Variants in PFKM observed in about 807,000 individuals in gnomAD.
The protein encoded by PFKM is ATP-dependent 6-phosphofructokinase, muscle type.
Under a neutral mutation model 95.5 loss-of-function variants are expected in PFKM, and 58 were observed. That is an observed-to-expected ratio of 0.61 (90% CI 0.49 to 0.76). The LOEUF is 0.76. PFKM is among the 30% of genes least tolerant of loss of function. The pLI is 0.00. For missense variants in PFKM, 678 were observed against 1,005.4 expected (o/e 0.67, Z 4.40); for synonymous variants, 336 against 357.2 (o/e 0.94, Z 0.67).
chr12:48,116,977 G>A (rs551322080), upstream of PFKM, among the ~76,000 whole-genome samples: 65 of 152,188 alleles, frequency 4.3e-4, no homozygotes, highest in African/African-American at 1.4e-3. Flanking sequence ...GCATCATACC[G>A]AATCATTTTA....
At chr12:48,135,834 G>A (rs541962502) in intron 10 of PFKM, among the ~76,000 whole-genome samples, 1 of 152,182 alleles carries the variant, frequency 6.6e-6, no homozygotes, top group East Asian at 1.9e-4. Flanking sequence ...GATATCTCAT[G>A]TTGTCCTTTT....
chr12:48,118,549 G>A (rs1187234902), upstream of PFKM: 6 of 1,517,944 alleles, frequency 4.0e-6, no homozygotes, highest in African/African-American at 1.4e-5. Context: ...GAGGAGACCC[G>A]ACTGTGGAGA....
chr12:48,133,514 G>A (rs370222787), intron 6 of PFKM, 34 bp downstream of exon 6: 180 of 1,596,314 alleles, frequency 1.1e-4, no homozygotes, highest in Middle Eastern at 5.0e-4. Context: ...AGTGTAAGAA[G>A]ATGGCAGCTA....
intron 6 of PFKM, among the ~76,000 whole-genome samples, chr12:48,133,836 C>T (rs1003649415): frequency 5.9e-5 from 9 of 152,070 alleles, no homozygotes; most frequent in Admixed American, 4.6e-4. Flanking sequence ...CTGCTATGAC[C>T]ACGACAGCTC....
chr12:48,108,505 C>A (rs1156927039), intron 3 of PFKM, among the ~76,000 whole-genome samples: 2 of 152,118 alleles, frequency 1.3e-5, no homozygotes, highest in Non-Finnish European at 2.9e-5. Flanking sequence ...TAACTGTAAA[C>A]TACTAATCTG....
Position 48,134,956 on chromosome 12 carries a change from G to C in PFKM, c.761G>C (p.Gly254Ala). Reference protein sequence around the residue: ...CRRLSETRTRGSRLNIIIVAE... With the variant: ...CRRLSETRTRASRLNIIIVAE... ...GTTCTCAACCAGACAAGGACCCGTG[G>C]TTCTCGTCTCAACATCATCATTGTG... Residue 254 changes from glycine (G) to alanine (A), a missense_variant, in exon 9 of 23, where the codon GGT (glycine) becomes GCT (alanine). Physicochemically the swap from Gly to Ala is moderately conservative, Grantham distance 60 (BLOSUM62 0). Coordinates refer to ENST00000359794, the MANE Select transcript of PFKM (RefSeq NM_000289.6). 1 of 1,614,010 alleles carries C rather than the reference G, an allele frequency of 6.2e-7. No individual in the cohort carries two copies. The highest frequency in any genetic ancestry group is 8.5e-7 in the Non-Finnish European group (1 of 1,179,926).
At chr12:48,118,631 T>A (rs1947884322), upstream of PFKM, 1 of 954,718 alleles carries the variant, frequency 1.0e-6, no homozygotes, top group South Asian at 1.4e-5. Flanking sequence ...TGACCCTTTT[T>A]CCAGAGTGGA....
chr12:48,137,879 C>T (rs752549447), intron 11 of PFKM, 33 bp downstream of exon 11: 6 of 1,612,928 alleles, frequency 3.7e-6, no homozygotes, highest in South Asian at 3.3e-5. Flanking sequence ...TTTCTTAACA[C>T]TCTCAAGCCC....
chr12:48,135,260 CCT>C, intron 9 of PFKM, 29 bp from the exon 10 acceptor site: 1 of 1,559,984 alleles, frequency 6.4e-7, no homozygotes, highest in South Asian at 1.1e-5. Flanking sequence ...TCTGCGTAAC[CCT>C]CTCTCTGTCC....
At chr12:48,131,847 A>T (rs1244890439) in intron 4 of PFKM, 1 of 361,752 alleles carries the variant, frequency 2.8e-6, no homozygotes, top group Non-Finnish European at 5.4e-6. Flanking sequence ...TCTCAAAAAA[A>T]TCCTAAGAGT....
intron 4 of PFKM, chr12:48,131,735 C>T (rs1949514700): frequency 2.6e-6 from 1 of 379,026 alleles, no homozygotes; most frequent in Non-Finnish European, 5.1e-6. Context: ...GGAGCCAGAG[C>T]CAGAAGTGGA....
intron 17 of PFKM, chr12:48,142,474 C>T (rs1950658680): frequency 2.2e-6 from 1 of 449,772 alleles, no homozygotes; most frequent in African/African-American, 2.0e-5. Flanking sequence ...AGTTTCCTCA[C>T]CTAGAAATGC....
rs991414336 is a variant in PFKM, at chr12:48,140,762, C to T, written c.1232C>T (p.Pro411Leu). 4 of 1,614,036 alleles carry T rather than the reference C, an allele frequency of 2.5e-6. No individual in the cohort carries two copies. The highest frequency in any genetic ancestry group is 3.4e-6 in the Non-Finnish European group (4 of 1,180,032). ...HTVAVMNVGA[P>L]AAGMNAAVRS... The stretch of plus-strand genomic sequence containing the variant: ...GTGGCTGTGATGAACGTGGGGGCTC[C>T]GGCTGCAGGCATGAATGCTGCTGTT... The change falls in exon 14 of 23, where the codon CCG (proline) becomes CTG (leucine). Residue 411 changes from proline (P) to leucine (L), a missense_variant. Pro to Leu is a moderately conservative substitution (Grantham distance 98). Coordinates refer to ENST00000359794, the MANE Select transcript of PFKM (RefSeq NM_000289.6).
intron 19 of PFKM, 29 bp from the exon 20 acceptor site, chr12:48,144,017 G>A (rs751863019): frequency 6.7e-7 from 1 of 1,494,276 alleles, no homozygotes; most frequent in Non-Finnish European, 9.3e-7. Context: ...CAACCACAGA[G>A]TCACAGGCTT....
rs1183340554 is a variant in PFKM, at chr12:48,134,255, A to G, written c.617A>G (p.Glu206Gly). 1 of 1,613,822 alleles carries G rather than the reference A, an allele frequency of 6.2e-7. No individual in the cohort carries two copies. Among genetic ancestry groups the G allele is most frequent in the Non-Finnish European group, 8.5e-7 (1 of 1,179,828 alleles). ...AQSHQRTFVL[E>G]VMGRHCGYLA... ...AGCCACCAGAGGACATTTGTGTTAG[A>G]AGTAATGGGCCGCCACTGTGGGTAA... Residue 206 changes from glutamate (E) to glycine (G), a missense_variant, in exon 7 of 23, where the codon GAA becomes GGA. Transcript: ENST00000359794.
chr12:48,138,899 G>A (rs539163632), intron 11 of PFKM, among the ~76,000 whole-genome samples: 1 of 152,232 alleles, frequency 6.6e-6, no homozygotes, highest in East Asian at 1.9e-4. Context: ...AATTAGCCGG[G>A]TGTGGTTGCA....
chr12:48,144,575 C>T (rs529484344), intron 20 of PFKM, among the ~76,000 whole-genome samples: 1 of 152,328 alleles, frequency 6.6e-6, no homozygotes, highest in African/African-American at 2.4e-5. Context: ...CACTTTCCCA[C>T]CTGCTTCCTC....
Position 48,143,603 on chromosome 12 carries a change from T to C in PFKM, c.1819-150T>C, listed in dbSNP as rs1295237570. On this transcript the variant is annotated intron_variant, in intron 18 of 22. Transcript: ENST00000359794. ...AAATTTCAGTCCACACTGAGCTTCT[T>C]ACAGGAATTAGGCACAGTTCAGGCC... The C allele has an allele frequency of 7.1e-6, 5 of 700,660 alleles. No individual in the cohort carries two copies. In the Admixed American group the frequency reaches 8.6e-5, roughly 12 times the overall value. The allele number at this position is 700,660 out of a possible 1,614,324, so 43.4% of individuals were successfully genotyped here.
At position 48,119,401 on chromosome 12, in the gene PFKM, T is replaced by TA. The variant is rs1947959319; in HGVS notation, c.-10dup. 1 of 985,576 alleles carries TA rather than the reference T, an allele frequency of 1.0e-6. No individual in the cohort carries two copies. The highest frequency in any genetic ancestry group is 6.2e-5 in the Admixed American group (1 of 16,246). 61.1% of individuals were successfully genotyped at this position (985,576 alleles called of 1,614,324 possible). A position where few individuals can be genotyped will look rare whatever the true frequency, so the allele number is the denominator to read the frequency against. ...AGCAGCGGCGGAGGAGAGCTAAGACTAAAAGGCAAGAGGGGCCATTGAGTG... is the reference window on the plus strand; with the variant it reads ...AGCAGCGGCGGAGGAGAGCTAAGACTAAAAAGGCAAGAGGGGCCATTGAGTG... On this transcript the variant is annotated 5_prime_UTR_variant, in exon 1 of 23. Coordinates refer to ENST00000359794, the MANE Select transcript of PFKM (RefSeq NM_000289.6).
Sources: gnomAD v4.1 joint callset for allele counts (sites outside exome capture counted in the v4.1 genomes callset) on GRCh38, gnomAD v4.1.1 for gene constraint, MANE v1.5 for transcripts, NCBI Gene and HGNC (gene_info 2026-07-23, HGNC 2026-07-21) for gene names.